The following SMO variants were observed in gnomAD, a reference collection of about 807,000 sequenced individuals.
The protein encoded by SMO is protein smoothened.
In SMO, 40 loss-of-function variants were observed where a neutral mutation model predicts 81.6. The observed-to-expected ratio is 0.49, with a 90% CI of 0.38 to 0.64. The LOEUF is 0.64. Among genes scored for constraint, SMO ranks in the 30% least tolerant of loss-of-function variants. The pLI is 0.00. For synonymous variants in SMO, 434 were observed against 432.1 expected, an observed-to-expected ratio of 1.00 and a Z score of -0.05; for missense variants, 916 against 1,061.1, an observed-to-expected ratio of 0.86 and a Z score of 1.90.
chr7:129,213,304 G>C lies in SMO; in HGVS notation c.*853G>C, dbSNP rs1290115553. 1 of 233,028 alleles carries C rather than the reference G, an allele frequency of 4.3e-6. No individual in the cohort carries two copies. The highest frequency in any genetic ancestry group is 2.2e-5 in the African/African-American group (1 of 45,332). The allele number at this position is 233,028 out of a possible 1,614,324, so 14.4% of individuals were successfully genotyped here. A position where few individuals can be genotyped will look rare whatever the true frequency, so the allele number is the denominator to read the frequency against. On this transcript the variant is annotated 3_prime_UTR_variant, in exon 12 of 12. Coordinates refer to ENST00000249373, the MANE Select transcript of SMO (RefSeq NM_005631.5). ...ATCATCTCTTCCTCACACCCATTTA[G>C]TGGGGGATGGGTCCTCTAGACTTGA... is the stretch of plus-strand genomic sequence containing the variant.
chr7:129,198,382 T>C (rs1489147596), intron 1 of SMO, among the ~76,000 whole-genome samples: 1 of 152,140 alleles, frequency 6.6e-6, no homozygotes, highest in Non-Finnish European at 1.5e-5. Flanking sequence ...CCAACACTGG[T>C]TTTTGTGTCC....
chr7:129,193,785 A>AATATATATATATATATATAT (rs71526088), intron 1 of SMO, among the ~76,000 whole-genome samples: 4 of 26,354 alleles, frequency 1.5e-4, no homozygotes, highest in East Asian at 9.5e-4. Context: ...AAAAAAAAAA[A>AATATATATATATATATATAT]ATATATATAT....
rs1793767717 is a variant in SMO, at chr7:129,206,481, G to A, written c.1158G>A (p.Val386=). Residue 386 remains valine (V), a synonymous_variant, in exon 6 of 12, where the codon GTG becomes GTA. Coordinates refer to ENST00000249373, the MANE Select transcript of SMO (RefSeq NM_005631.5). The surrounding 1 kb of genome is among the most constrained non-coding windows in gnomAD (Gnocchi z 4.4). ...TGCTGCAGGTGGATGGGGACTCTGT[G>A]AGTGGGATTTGTTTTGTGGGCTACA... ...LAVAQVDGDS[V]SGICFVGYKN... 6.2e-7 allele frequency: 1 copy of A among 1,614,134 alleles called. No individual in the cohort carries two copies. Among genetic ancestry groups the A allele is most frequent in the South Asian group, 1.1e-5 (1 of 91,084 alleles).
Position 129,211,901 on chromosome 7 carries a change from G to A in SMO, c.1937-123G>A, listed in dbSNP as rs758011809. On this transcript the variant is annotated intron_variant, in intron 11 of 11. Transcript: ENST00000249373. This position sits in a 1 kb window ranked among gnomAD's most constrained non-coding sequence, Gnocchi z 4.6. ...GGCCCCAGAGGATCTGAAGAGTGGG[G>A]CTGAGGCTCTAAGAGTCTAGAGACC... 2.1e-6 allele frequency: 3 copies of A among 1,429,066 alleles called. No homozygotes were observed. The highest frequency in any genetic ancestry group is 2.3e-5 in the East Asian group (1 of 42,734). 88.5% of individuals were successfully genotyped at this position (1,429,066 alleles called of 1,614,324 possible). A position where few individuals can be genotyped will look rare whatever the true frequency, so the allele number is the denominator to read the frequency against.
In SMO at chr7:129,210,340, C is replaced by G. The variant is rs565878654; in HGVS notation, c.1467-23C>G. 23 of 1,594,938 alleles carry G rather than the reference C, an allele frequency of 1.4e-5. No individual in the cohort carries two copies. The East Asian group carries it at 4.9e-4, about 34-fold the overall frequency. On this transcript the variant is annotated intron_variant, in intron 8 of 11. Transcript: ENST00000249373. The surrounding 1 kb of genome is among the most constrained non-coding windows in gnomAD (Gnocchi z 4.7). ...AGAGGAAAAGAAAGGAAAGCCTCAC[C>G]TGTCTACGTTCCCTCACTGTAGATG...
Position 129,189,092 on chromosome 7 carries a change from G to T in SMO, c.-60G>T. On this transcript the variant is annotated 5_prime_UTR_variant, in exon 1 of 12. Coordinates refer to ENST00000249373, the MANE Select transcript of SMO (RefSeq NM_005631.5). The surrounding 1 kb of genome is among the most constrained non-coding windows in gnomAD (Gnocchi z 4.7). ...GGCCGCCGAGGTCGTGCGTGTGGCC[G>T]GGGGGCTCCGAGGAGCAGGCGGGGG... The T allele has an allele frequency of 8.4e-7, 1 of 1,194,998 alleles. No individual in the cohort carries two copies. Among genetic ancestry groups the T allele is most frequent in the Non-Finnish European group, 1.0e-6 (1 of 960,694 alleles). The allele number at this position is 1,194,998 out of a possible 1,614,324, so 74.0% of individuals were successfully genotyped here. A position where few individuals can be genotyped will look rare whatever the true frequency, so the allele number is the denominator to read the frequency against.
Position 129,205,218 on chromosome 7 carries a change from ATCAAGT to A in SMO, c.558_563del (p.Lys186_Phe187del). The A allele has an allele frequency of 6.2e-7, 1 of 1,614,142 alleles. No homozygotes were observed. The highest frequency in any genetic ancestry group is 8.5e-7 in the Non-Finnish European group (1 of 1,179,998). On this transcript the variant is annotated inframe_deletion, in exon 3 of 12. Coordinates refer to ENST00000249373, the MANE Select transcript of SMO (RefSeq NM_005631.5). ...CTGGTGCCAGAATGAGGTGCAGAAC[ATCAAGT>A]TCAACAGTTCAGGCCAGTGCGAAGT...
At chr7:129,207,566 C>T (rs1584663408) in intron 6 of SMO, among the ~76,000 whole-genome samples, 1 of 152,292 alleles carries the variant, frequency 6.6e-6, no homozygotes, top group Non-Finnish European at 1.5e-5. Context: ...CGTTATCATG[C>T]TGTCCTAGTA....
At position 129,212,337 on chromosome 7, in the gene SMO, C is replaced by T. The variant is rs764232642; in HGVS notation, c.2250C>T (p.Pro750=). The T allele has an allele frequency of 6.2e-7, 1 of 1,614,176 alleles. No homozygotes were observed. Among genetic ancestry groups the T allele is most frequent in the Non-Finnish European group, 8.5e-7 (1 of 1,180,038 alleles). The change falls in exon 12 of 12, where the codon CCC becomes CCT. Residue 750 remains proline, a synonymous_variant. Coordinates refer to ENST00000249373, the MANE Select transcript of SMO (RefSeq NM_005631.5). This position sits in a 1 kb window ranked among gnomAD's most constrained non-coding sequence, Gnocchi z 5.0. ...EPSPPQDPFL[P]SAPAPVAWAH... ...GTCCCCCTCAGGATCCATTTCTGCC[C>T]AGTGCACCGGCCCCCGTGGCATGGG... is the stretch of plus-strand genomic sequence containing the variant.
chr7:129,196,921 G>C (rs980834022), intron 1 of SMO, among the ~76,000 whole-genome samples: 3 of 150,500 alleles, frequency 2.0e-5, no homozygotes, highest in Non-Finnish European at 4.4e-5. Context: ...GGAGGCTGAG[G>C]CAGGAGAATG....
At chr7:129,201,995 T>C (rs1313610903) in intron 1 of SMO, among the ~76,000 whole-genome samples, 2 of 152,046 alleles carry the variant, frequency 1.3e-5, no homozygotes, top group Non-Finnish European at 2.9e-5. Flanking sequence ...GGTGACTGAA[T>C]TGAGTCAAGT....
rs1306317113 is a variant in SMO, at chr7:129,212,485, G to A, written c.*34G>A. ...AGCAGGACCTGGGACAGGAAAGAGA[G>A]GAACCAATACCTTCAAGGCTCTTCT... On this transcript the variant is annotated 3_prime_UTR_variant, in exon 12 of 12. Transcript: ENST00000249373. This position sits in a 1 kb window ranked among gnomAD's most constrained non-coding sequence, Gnocchi z 5.0. 1 of 1,584,024 alleles carries A rather than the reference G, an allele frequency of 6.3e-7. No homozygotes were observed. Among genetic ancestry groups the A allele is most frequent in the South Asian group, 1.1e-5 (1 of 89,564 alleles).
In SMO at chr7:129,196,630, T is replaced by C. The variant is rs536458048; in HGVS notation, c.332-6754T>C. On this transcript the variant is annotated intron_variant, in intron 1 of 11. Coordinates refer to ENST00000249373, the MANE Select transcript of SMO (RefSeq NM_005631.5). ...TATTCTGCACAGATTTAAATACTTA[T>C]TATTTGTTAGACATTCCTAGGTACT... is the stretch of plus-strand genomic sequence containing the variant. Among the ~76,000 whole-genome samples the C allele has an allele frequency of 9.7e-4, 148 of 152,302 alleles. 3 individuals are homozygous for C. Among genetic ancestry groups the C allele is most frequent in the Non-Finnish European group, 1.0e-3 (69 of 68,036 alleles).
intron 1 of SMO, among the ~76,000 whole-genome samples, chr7:129,196,792 G>C (rs1361670776): frequency 1.3e-5 from 2 of 151,920 alleles, no homozygotes; most frequent in Non-Finnish European, 2.9e-5. Flanking sequence ...CCAAGGCAGG[G>C]GGATCACGAG....
At chr7:129,207,193 C>T (rs1793787549) in intron 6 of SMO, among the ~76,000 whole-genome samples, 2 of 152,166 alleles carry the variant, frequency 1.3e-5, no homozygotes, top group Admixed American at 1.3e-4. Context: ...CAGTCAGCTC[C>T]TGGCCGGTGC....
chr7:129,209,501 G>A (rs1793830660), intron 8 of SMO, 104 bp downstream of exon 8: 1 of 693,470 alleles, frequency 1.4e-6, no homozygotes, highest in African/African-American at 1.8e-5. Flanking sequence ...GGTCCCTGCT[G>A]CAGACAGCAG....
chr7:129,207,540 C>T (rs1207563929), intron 6 of SMO, among the ~76,000 whole-genome samples: 4 of 152,074 alleles, frequency 2.6e-5, no homozygotes, highest in Non-Finnish European at 5.9e-5. Context: ...AGTGTCTGGC[C>T]CTCTGATTTG....
rs373406092 is a variant in SMO at position 129,210,917 on chromosome 7, G to A, written c.1653-48G>A. On this transcript the variant is annotated intron_variant, in intron 9 of 11. Transcript: ENST00000249373. The surrounding 1 kb of genome is among the most constrained non-coding windows in gnomAD (Gnocchi z 4.7). ...CGCTGGCCCTTCCCAAGATTTGATG[G>A]GAAGTGGCAGCTTCTTCACGCTCCT... 148 of 1,539,332 alleles carry A rather than the reference G, an allele frequency of 9.6e-5. No homozygotes were observed. The highest frequency in any genetic ancestry group is 1.2e-4 in the Non-Finnish European group (140 of 1,141,394).
rs555783023 is a variant in SMO, at chr7:129,195,928, C to T, written c.331+6446C>T. 1.1e-4 allele frequency among the ~76,000 whole-genome samples: 16 copies of T among 151,840 alleles called. No homozygotes were observed. The East Asian group carries it at 2.7e-3, about 26-fold the overall frequency. ...CATCCTGGCTAACACGGTGAAACCC[C>T]ATCTCTACTAAAAATACAAAAAATT... On this transcript the variant is annotated intron_variant, in intron 1 of 11. Coordinates refer to ENST00000249373, the MANE Select transcript of SMO (RefSeq NM_005631.5).
Sources: allele counts gnomAD v4.1 joint callset (sites outside exome capture counted in the v4.1 genomes callset), GRCh38; gene constraint gnomAD v4.1.1; non-coding constraint Gnocchi (gnomAD v3.1); transcripts MANE v1.5; gene names NCBI Gene and HGNC (gene_info 2026-07-23, HGNC 2026-07-21).